Variants in SPATA24 observed in about 807,000 individuals in gnomAD.
The protein encoded by SPATA24 is spermatogenesis associated 24.
Under a neutral mutation model 28.9 loss-of-function variants are expected in SPATA24, and 21 were observed. The ratio of observed to expected loss-of-function variants is 0.73; its 90% confidence interval spans 0.52 to 1.05. The LOEUF (loss-of-function observed/expected upper bound fraction) is 1.05, where lower values mean the gene tolerates loss of function less well. SPATA24 is among the 50% of genes least tolerant of loss of function. The pLI, the probability that SPATA24 is intolerant of heterozygous loss-of-function variation, is 0.00. For synonymous variants in SPATA24, 76 were observed against 89.9 expected (o/e 0.85, Z 0.88); for missense variants, 215 against 242.9 (o/e 0.88, Z 0.76).
At chr5:139,402,162 G>A (rs1480053869) in intron 2 of SPATA24, 117 bp from the exon 3 acceptor site, 2 of 1,321,210 alleles carry the variant, frequency 1.5e-6, no homozygotes, top group South Asian at 1.6e-5. Flanking sequence ...GGGAGATTCT[G>A]GCCACCTTGC....
chr5:139,399,257 C>G (rs1758773762), intron 4 of SPATA24, among the ~76,000 whole-genome samples: 1 of 148,644 alleles, frequency 6.7e-6, no homozygotes, highest in Non-Finnish European at 1.5e-5. Context: ...GCGGAGCTTG[C>G]AGTGAGCCGA....
chr5:139,396,528 T>G, downstream of SPATA24: 1 of 1,265,522 alleles, frequency 7.9e-7, no homozygotes. Context: ...AGTTGGGAAG[T>G]TAAATTTACC....
chr5:139,402,489 C>T (rs4074032), intron 2 of SPATA24, 139 bp downstream of exon 2: 413,882 of 700,234 alleles, frequency 0.59, 131,058 homozygotes, highest in Non-Finnish European at 0.67. Flanking sequence ...GTGATTTGCC[C>T]GCCTTGGCCT....
downstream of SPATA24, chr5:139,394,674 C>G: frequency 6.5e-7 from 1 of 1,534,540 alleles, no homozygotes; most frequent in Non-Finnish European, 8.7e-7. Flanking sequence ...AGGCCGGCTC[C>G]GTGAACTGTT....
chr5:139,401,974 G>C lies in SPATA24; in HGVS notation c.255C>G (p.Leu85=). 1.9e-6 allele frequency: 3 copies of C among 1,551,648 alleles called. No individual in the cohort carries two copies. The highest frequency in any genetic ancestry group is 2.6e-6 in the Non-Finnish European group (3 of 1,146,996). The change falls in exon 3 of 6, where the codon CTC becomes CTG. Residue 85 remains leucine, a synonymous_variant. Transcript: ENST00000450845. The part of the protein sequence containing the change: ...AKEEEKLQFA[L]GEVEVLSKQL... ...GCTTGGATAGCACCTCTACCTCTCC[G>C]AGGGCAAACTGTAACTTCTCCTCTT...
intron 1 of SPATA24, 27 bp from the exon 2 acceptor site, chr5:139,402,720 G>T: frequency 1.9e-6 from 3 of 1,547,382 alleles, no homozygotes; most frequent in Non-Finnish European, 1.7e-6. Flanking sequence ...CTGAGGGAGG[G>T]CCTGGGGCTG....
downstream of SPATA24, chr5:139,392,647 G>C (rs970052183): frequency 5.0e-6 from 7 of 1,389,620 alleles, no homozygotes; most frequent in African/African-American, 6.1e-5. This position sits in a 1 kb window ranked among gnomAD's most constrained non-coding sequence, Gnocchi z 5.8. Flanking sequence ...TGCTATCCCA[G>C]GGCTCGGGCT....
At chr5:139,400,737 C>T (rs928986791) in intron 4 of SPATA24, among the ~76,000 whole-genome samples, 9 of 152,082 alleles carry the variant, frequency 5.9e-5, no homozygotes, top group African/African-American at 1.9e-4. Flanking sequence ...AAAAAAGTGG[C>T]CCCCAGGCAT....
intron 4 of SPATA24, among the ~76,000 whole-genome samples, chr5:139,401,103 G>A (rs537553399): frequency 3.3e-5 from 5 of 152,216 alleles, no homozygotes; most frequent in Non-Finnish European, 7.4e-5. Flanking sequence ...GTTGCAGTGA[G>A]CCGTGTGCCA....
downstream of SPATA24, chr5:139,394,121 G>C (rs773737781): frequency 4.5e-5 from 70 of 1,547,542 alleles, no homozygotes; most frequent in Non-Finnish European, 6.0e-5. Flanking sequence ...CGAATCGCGC[G>C]CTCGCGGAGG....
rs1030694586 is a variant in SPATA24 at position 139,403,980 on chromosome 5, C to T, written c.81G>A (p.Glu27=). ...GCTGGTGGATTAGTTCCTCCTGAGA[C>T]TCAATCACGTCCCGCAGTTGATCTA... The part of the protein sequence containing the change: ...LALDQLRDVI[E]SQEELIHQLR... The change falls in exon 1 of 6, where the codon GAG becomes GAA. Residue 27 remains glutamate, a synonymous_variant. Transcript: ENST00000450845. 3 of 1,551,752 alleles carry T rather than the reference C, an allele frequency of 1.9e-6. No individual in the cohort carries two copies. In the African/African-American group the frequency reaches 4.1e-5, roughly 21 times the overall value.
intron 4 of SPATA24, among the ~76,000 whole-genome samples, chr5:139,399,159 T>C (rs1231647206): frequency 6.6e-6 from 1 of 151,066 alleles, no homozygotes; most frequent in Admixed American, 6.6e-5. Flanking sequence ...CTACTAAAAA[T>C]ACAAAAAATT....
Position 139,401,896 on chromosome 5 carries a change from C to G in SPATA24, c.314+19G>C. On this transcript the variant is annotated intron_variant, in intron 3 of 5. Coordinates refer to ENST00000450845, the MANE Select transcript of SPATA24 (RefSeq NM_194296.2). ...GATGCATCCCCCAAACCCCACACCC[C>G]GTACTGAGGCCCACTCACGCTTTTT... 3.2e-6 allele frequency: 5 copies of G among 1,551,256 alleles called. No individual in the cohort carries two copies. Among genetic ancestry groups the G allele is most frequent in the Non-Finnish European group, 4.4e-6 (5 of 1,146,666 alleles).
At chr5:139,394,684 T>C (rs1179364141), downstream of SPATA24, 11 of 1,533,898 alleles carry the variant, frequency 7.2e-6, no homozygotes, top group African/African-American at 1.4e-5. Context: ...CGTGAACTGT[T>C]GTTGCGCCTC....
chr5:139,392,690 A>T, downstream of SPATA24: 1 of 1,352,968 alleles, frequency 7.4e-7, no homozygotes, highest in Non-Finnish European at 9.5e-7. The surrounding 1 kb of genome is among the most constrained non-coding windows in gnomAD (Gnocchi z 5.8). Flanking sequence ...GGGCGGGGCG[A>T]TCGGACCCCT....
downstream of SPATA24, chr5:139,394,793 G>A (rs1297728600): frequency 2.6e-6 from 4 of 1,528,212 alleles, no homozygotes; most frequent in East Asian, 5.1e-5. Flanking sequence ...TGGGGTGGCC[G>A]TGGGCCGGAA....
At chr5:139,396,290 T>C (rs6596478), downstream of SPATA24, 985,275 of 985,474 alleles carry the variant, frequency 1, 492,539 homozygotes, top group Non-Finnish European at 1. Context: ...TTGTGCAAAT[T>C]GAGGTCCCTT....
chr5:139,401,600 A>T, intron 4 of SPATA24, 155 bp downstream of exon 4: 1 of 783,722 alleles, frequency 1.3e-6, no homozygotes, highest in Non-Finnish European at 2.2e-6. Flanking sequence ...CTGGTCCCTT[A>T]AGGCCTTTTC....
At chr5:139,400,589 T>A (rs889520332) in intron 4 of SPATA24, among the ~76,000 whole-genome samples, 1 of 152,022 alleles carries the variant, frequency 6.6e-6, no homozygotes, top group African/African-American at 2.4e-5. Flanking sequence ...ATTACAGGCA[T>A]GAGCCACCGC....
Sources: gnomAD v4.1 joint callset for allele counts (sites outside exome capture counted in the v4.1 genomes callset) on GRCh38, gnomAD v4.1.1 for gene constraint, Gnocchi (gnomAD v3.1) non-coding constraint, MANE v1.5 for transcripts, NCBI Gene and HGNC (gene_info 2026-07-23, HGNC 2026-07-21) for gene names.